DRAXIN: variants seen among roughly 807,000 people sequenced by gnomAD.
DRAXIN encodes dorsal repulsive axon guidance protein.
Under a neutral mutation model 33.9 loss-of-function variants are expected in DRAXIN, and 27 were observed. The ratio of observed to expected loss-of-function variants is 0.80; its 90% CI spans 0.59 to 1.10. The LOEUF is 1.10. Among genes scored for constraint, DRAXIN ranks in the 50% least tolerant of loss-of-function variants. DRAXIN has a pLI of 0.00. For missense variants in DRAXIN, 371 were observed against 460.8 expected, an observed-to-expected ratio of 0.81 and a Z score of 1.78; for synonymous variants, 178 against 194.0, an observed-to-expected ratio of 0.92 and a Z score of 0.69.
upstream of DRAXIN, among the ~76,000 whole-genome samples, chr1:11,687,282 C>G (rs1258558500): frequency 6.6e-6 from 1 of 152,114 alleles, no homozygotes; most frequent in Non-Finnish European, 1.5e-5. This position sits in a 1 kb window ranked among gnomAD's most constrained non-coding sequence, Gnocchi z 4.1. Flanking sequence ...CTCTGCCACC[C>G]AGGCTGGAGG....
intron 5 of DRAXIN, among the ~76,000 whole-genome samples, chr1:11,714,097 C>G (rs1641537822): frequency 1.3e-5 from 2 of 152,006 alleles, no homozygotes; most frequent in Non-Finnish European, 2.9e-5. Context: ...TCCAGGTATT[C>G]AGGAGGCTAA....
At position 11,709,368 on chromosome 1, in the gene DRAXIN, C is replaced by A; in HGVS notation, c.545C>A (p.Thr182Asn). The A allele has an allele frequency of 1.2e-6, 2 of 1,614,050 alleles. No homozygotes were observed. Among genetic ancestry groups the A allele is most frequent in the Non-Finnish European group, 8.5e-7 (1 of 1,179,970 alleles). ...GATGCAGCCATGGAGGAATCCTCCA[C>A]CAGCCTGGCGCCCACCATGTTCTTT... ...VLDAAMEESS[T>N]SLAPTMFFLT... The change falls in exon 3 of 7, where the codon ACC becomes AAC. Residue 182 changes from threonine to asparagine, a missense_variant. Thr to Asn is a moderately conservative substitution (Grantham distance 65, BLOSUM62 0). Transcript: ENST00000294485.
At position 11,712,757 on chromosome 1, in the gene DRAXIN, G is replaced by A. The variant is rs140976363; in HGVS notation, c.847+328G>A. On this transcript the variant is annotated intron_variant, in intron 5 of 6. Coordinates refer to ENST00000294485, the MANE Select transcript of DRAXIN (RefSeq NM_198545.4). ...CTACTAAAAATATAAAAATTATCCG[G>A]GCATGGTGGAACATGCCTGTAATCC... Among the ~76,000 whole-genome samples the A allele has an allele frequency of 6.2e-3, 944 of 152,032 alleles. 17 individuals carry two copies. Among genetic ancestry groups the A allele is most frequent in the Admixed American group, 0.04 (612 of 15,254 alleles).
chr1:11,709,548 A>C lies in DRAXIN; in HGVS notation c.642+83A>C, dbSNP rs1031484867. On this transcript the variant is annotated intron_variant, in intron 3 of 6. Coordinates refer to ENST00000294485, the MANE Select transcript of DRAXIN (RefSeq NM_198545.4). ...AAGCCCTCTTAATACATGTAGGGAGACTGAGGCACGGGGGCAGGAGGCCAC... is the reference window on the plus strand; with the variant it reads ...AAGCCCTCTTAATACATGTAGGGAGCCTGAGGCACGGGGGCAGGAGGCCAC... The C allele has an allele frequency of 1.3e-5, 19 of 1,439,274 alleles. No individual in the cohort carries two copies. The South Asian group carries it at 2.5e-4, about 19-fold the overall frequency. 89.2% of individuals were successfully genotyped at this position (1,439,274 alleles called of 1,614,324 possible).
chr1:11,714,687 G>A (rs79885019), intron 5 of DRAXIN, among the ~76,000 whole-genome samples: 2,914 of 152,346 alleles, frequency 0.019, 84 homozygotes, highest in African/African-American at 0.066. Flanking sequence ...CATTTGGGCC[G>A]ACTGGACAGT....
At chr1:11,708,153 C>T (rs940114011) in intron 2 of DRAXIN, among the ~76,000 whole-genome samples, 5 of 152,250 alleles carry the variant, frequency 3.3e-5, no homozygotes, top group Non-Finnish European at 7.3e-5. Context: ...CCTTTGAGGA[C>T]AGCTAGAGGG....
At position 11,719,795 on chromosome 1, in the gene DRAXIN, TG is replaced by T; in HGVS notation, c.*100del. On this transcript the variant is annotated 3_prime_UTR_variant, in exon 7 of 7. Transcript: ENST00000294485. ...GAGATCAAGTTGGGGAACAGATGGC[TG>T]AGGCTGCAGACTCAGGCCCAGGACA... 9.1e-7 allele frequency: 1 copy of T among 1,103,656 alleles called. No individual in the cohort carries two copies. The highest frequency in any genetic ancestry group is 1.4e-5 in the South Asian group (1 of 72,300). 68.4% of individuals were successfully genotyped at this position (1,103,656 alleles called of 1,614,324 possible). A position where few individuals can be genotyped will look rare whatever the true frequency, so the allele number is the denominator to read the frequency against.
intron 1 of DRAXIN, among the ~76,000 whole-genome samples, chr1:11,695,406 C>T (rs1176347797): frequency 6.6e-6 from 1 of 151,790 alleles, no homozygotes; most frequent in African/African-American, 2.4e-5. Context: ...TGGTGCAACC[C>T]TATCTCTACT....
Position 11,711,942 on chromosome 1 carries a change from G to T in DRAXIN, c.734G>T (p.Gly245Val). 3 of 1,613,510 alleles carry T rather than the reference G, an allele frequency of 1.9e-6. No individual in the cohort carries two copies. Among genetic ancestry groups the T allele is most frequent in the Admixed American group, 1.7e-5 (1 of 59,928 alleles). The change falls in exon 4 of 7, where the codon GGT (glycine) becomes GTT (valine). Residue 245 changes from glycine to valine, a missense_variant. Transcript: ENST00000294485. The stretch of plus-strand genomic sequence containing the variant: ...GATTATGAAGACTTAAAACCTGATG[G>T]TTGGCCCTCTGCAAAGAAGAAAGGT... ...WTDYEDLKPDGWPSAKKKEKH... is the reference protein window; with the variant it reads ...WTDYEDLKPDVWPSAKKKEKH...
chr1:11,694,049 T>C lies in DRAXIN; in HGVS notation c.-11+2196T>C, dbSNP rs770814038. On this transcript the variant is annotated intron_variant, in intron 1 of 6. Transcript: ENST00000294485. This position sits in a 1 kb window ranked among gnomAD's most constrained non-coding sequence, Gnocchi z 4.9. ...TTTGATCTCAGCCCTCTGTCTTTGC[T>C]GACCAAGGAGGTCTGATGTCCTCTC... is the stretch of plus-strand genomic sequence containing the variant. Among the ~76,000 whole-genome samples the C allele has an allele frequency of 3.9e-5, 6 of 152,158 alleles. No individual in the cohort carries two copies. The highest frequency in any genetic ancestry group is 4.8e-5 in the African/African-American group (2 of 41,438).
intron 6 of DRAXIN, 46 bp downstream of exon 6, chr1:11,715,254 C>T (rs772479624): frequency 1.2e-5 from 20 of 1,609,386 alleles, no homozygotes; most frequent in African/African-American, 1.2e-4. Flanking sequence ...CTCTGAGAAC[C>T]ACAAAGCCTC....
chr1:11,702,943 A>T (rs566091715), intron 1 of DRAXIN, among the ~76,000 whole-genome samples: 7 of 152,086 alleles, frequency 4.6e-5, no homozygotes, highest in Non-Finnish European at 8.8e-5. Context: ...GGGCTTCACC[A>T]TGCTGGCCAG....
At chr1:11,701,619 A>G (rs1410278581) in intron 1 of DRAXIN, among the ~76,000 whole-genome samples, 1 of 152,184 alleles carries the variant, frequency 6.6e-6, no homozygotes, top group Admixed American at 6.5e-5. Context: ...ATCCCTCAGC[A>G]ACTCTGGTCC....
Position 11,719,824 on chromosome 1 carries a change from C to T in DRAXIN, c.*128C>T. On this transcript the variant is annotated 3_prime_UTR_variant, in exon 7 of 7. Transcript: ENST00000294485. ...GCTGCAGACTCAGGCCCAGGACACTCAACCCCAGGAGGGGAGCCGCTCGGC... is the reference window on the plus strand; with the variant it reads ...GCTGCAGACTCAGGCCCAGGACACTTAACCCCAGGAGGGGAGCCGCTCGGC... 1 of 888,250 alleles carries T rather than the reference C, an allele frequency of 1.1e-6. No individual in the cohort carries two copies. The highest frequency in any genetic ancestry group is 1.8e-6 in the Non-Finnish European group (1 of 565,166). 55.0% of individuals were successfully genotyped at this position (888,250 alleles called of 1,614,324 possible).
intron 5 of DRAXIN, 57 bp downstream of exon 5, chr1:11,712,486 G>C: frequency 6.3e-7 from 1 of 1,586,006 alleles, no homozygotes; most frequent in Non-Finnish European, 8.7e-7. Flanking sequence ...GGGAACCTGG[G>C]TGGGAGTGGG....
At chr1:11,698,988 G>A (rs1641232302) in intron 1 of DRAXIN, among the ~76,000 whole-genome samples, 1 of 152,226 alleles carries the variant, frequency 6.6e-6, no homozygotes, top group Non-Finnish European at 1.5e-5. Flanking sequence ...TAGGTTGGGA[G>A]TATCCGGAAG....
chr1:11,691,932 C>A (rs1452066151), intron 1 of DRAXIN, 79 bp downstream of exon 1: 1 of 151,880 alleles, frequency 6.6e-6, no homozygotes, highest in Non-Finnish European at 1.5e-5. Context: ...AGGTGGGCTA[C>A]CTGGCGCGCC....
chr1:11,717,602 C>G (rs1475111231), intron 6 of DRAXIN, among the ~76,000 whole-genome samples: 1 of 143,836 alleles, frequency 7.0e-6, no homozygotes, highest in East Asian at 2.1e-4. Flanking sequence ...GCGGAGGTTG[C>G]AGTGAGCTGA....
In DRAXIN at chr1:11,698,484, A is replaced by G. The variant is rs144300711; in HGVS notation, c.-11+6631A>G. ...TTCCGGACTGCACTGCCCATCTCCA[A>G]TTCCTGCCGTTTCAGGAAGTGTCCA... is the stretch of plus-strand genomic sequence containing the variant. On this transcript the variant is annotated intron_variant, in intron 1 of 6. Coordinates refer to ENST00000294485, the MANE Select transcript of DRAXIN (RefSeq NM_198545.4). 1.5e-3 allele frequency among the ~76,000 whole-genome samples: 235 copies of G among 152,262 alleles called. 1 individual carries two copies. Among genetic ancestry groups the G allele is most frequent in the African/African-American group, 5.4e-3 (224 of 41,542 alleles).
Sources: gnomAD v4.1 joint callset for allele counts (sites outside exome capture counted in the v4.1 genomes callset) on GRCh38, gnomAD v4.1.1 for gene constraint, Gnocchi (gnomAD v3.1) non-coding constraint, MANE v1.5 for transcripts, NCBI Gene and HGNC (gene_info 2026-07-23, HGNC 2026-07-21) for gene names.